The following STAG1 variants were observed in gnomAD, a reference collection of about 807,000 sequenced individuals.
The protein encoded by STAG1 is STAG1 cohesin complex component.
In STAG1, 26 loss-of-function variants were observed where a neutral mutation model predicts 170.9. The observed-to-expected ratio is 0.15, with a 90% CI of 0.11 to 0.21. STAG1 has a LOEUF of 0.21. Ranked by LOEUF, STAG1 falls within the 10% of genes least tolerant of loss-of-function variation. The pLI is 1.00. For synonymous variants in STAG1, 514 were observed against 497.7 expected (o/e 1.03, Z -0.44); for missense variants, 964 against 1,509.5 (o/e 0.64, Z 5.99).
intron 16 of STAG1, among the ~76,000 whole-genome samples, chr3:136,424,950 C>A (rs1249786240): frequency 3.3e-5 from 5 of 152,190 alleles, no homozygotes; most frequent in Admixed American, 3.3e-4. Flanking sequence ...AGAGATTCTC[C>A]TGCCTCAGCC....
chr3:136,637,809 G>C (rs903571432), intron 1 of STAG1, among the ~76,000 whole-genome samples: 2 of 152,030 alleles, frequency 1.3e-5, no homozygotes, highest in African/African-American at 4.8e-5. Context: ...ATAAAGGAAT[G>C]TAAGTTTCAT....
chr3:136,380,522 G>T (rs755807199), intron 22 of STAG1, among the ~76,000 whole-genome samples: 2 of 152,048 alleles, frequency 1.3e-5, no homozygotes, highest in Non-Finnish European at 2.9e-5. Context: ...TTACAGGCGT[G>T]AGCCACCGTG....
chr3:136,340,203 A>G (rs1360212304), intron 32 of STAG1, among the ~76,000 whole-genome samples: 1 of 152,062 alleles, frequency 6.6e-6, no homozygotes, highest in Non-Finnish European at 1.5e-5. Context: ...TGTCCAGGCT[A>G]GATTGCAATG....
In STAG1 at chr3:136,357,980, TAAAC is replaced by T. The variant is rs1051064988; in HGVS notation, c.2937-136_2937-133del. 4.7e-5 allele frequency: 33 copies of T among 699,832 alleles called. No homozygotes were observed. In the African/African-American group the frequency reaches 5.5e-4, roughly 12 times the overall value. The allele number at this position is 699,832 out of a possible 1,614,324, so 43.4% of individuals were successfully genotyped here. A position where few individuals can be genotyped will look rare whatever the true frequency, so the allele number is the denominator to read the frequency against. On this transcript the variant is annotated intron_variant, in intron 27 of 33. Transcript: ENST00000383202. ...AGTAAAATCTGATAAATTCAAATAA[TAAAC>T]TAATGTGAATATATAGGACATATTT... is the stretch of plus-strand genomic sequence containing the variant.
At chr3:136,720,856 C>T (rs1233086180) in intron 1 of STAG1, among the ~76,000 whole-genome samples, 3 of 152,026 alleles carry the variant, frequency 2.0e-5, no homozygotes, top group African/African-American at 7.2e-5. Flanking sequence ...AAAAGAACTA[C>T]CACTTATATT....
intron 25 of STAG1, 22 bp from the exon 26 acceptor site, chr3:136,363,489 C>A (rs1936953095): frequency 4.6e-6 from 5 of 1,097,102 alleles, no homozygotes; most frequent in Middle Eastern, 2.1e-4. Context: ...AGAAAGAAAA[C>A]ATGGCTTTAA....
At chr3:136,491,626 T>C (rs529240255) in intron 9 of STAG1, among the ~76,000 whole-genome samples, 5 of 152,322 alleles carry the variant, frequency 3.3e-5, no homozygotes, top group African/African-American at 9.6e-5. Flanking sequence ...AAGGATTCAG[T>C]TAGAAAACAC....
intron 8 of STAG1, among the ~76,000 whole-genome samples, chr3:136,500,786 C>T (rs1933420812): frequency 6.6e-6 from 1 of 152,154 alleles, no homozygotes; most frequent in Non-Finnish European, 1.5e-5. Flanking sequence ...AGAGGTATAA[C>T]AGAAGATAAA....
chr3:136,581,688 T>C (rs1054838207), intron 4 of STAG1, among the ~76,000 whole-genome samples: 4 of 152,136 alleles, frequency 2.6e-5, no homozygotes, highest in African/African-American at 9.7e-5. Flanking sequence ...TGAAAAATTA[T>C]ATGGGCATCA....
chr3:136,436,112 C>T (rs1434679014), intron 15 of STAG1, among the ~76,000 whole-genome samples: 1 of 152,016 alleles, frequency 6.6e-6, no homozygotes, highest in East Asian at 1.9e-4. Context: ...TGTGCCACCA[C>T]ACCCGGCTAA....
At chr3:136,417,424 C>T (rs185673035) in intron 21 of STAG1, 1 of 152,756 alleles carries the variant, frequency 6.5e-6, no homozygotes, top group Admixed American at 6.5e-5. Context: ...GAATTTCTGC[C>T]CCTTCTACTC....
intron 23 of STAG1, among the ~76,000 whole-genome samples, chr3:136,370,324 C>T (rs1009322537): frequency 5.3e-5 from 8 of 151,764 alleles, no homozygotes; most frequent in Admixed American, 3.3e-4. Flanking sequence ...ACTTTGTAGG[C>T]CTAGGCTAAT....
chr3:136,481,115 T>C (rs1233481945), intron 9 of STAG1, among the ~76,000 whole-genome samples: 4 of 27,456 alleles, frequency 1.5e-4, no homozygotes, highest in Non-Finnish European at 1.4e-4. Context: ...TCCAACACTA[T>C]GTTGAATAGG....
intron 5 of STAG1, among the ~76,000 whole-genome samples, chr3:136,542,834 A>C (rs1382487734): frequency 6.6e-6 from 1 of 152,150 alleles, no homozygotes; most frequent in African/African-American, 2.4e-5. Flanking sequence ...CAGCCTTATG[A>C]AGAATGTACT....
chr3:136,338,520 A>T, intron 32 of STAG1, 70 bp from the exon 33 acceptor site: 1 of 1,136,772 alleles, frequency 8.8e-7, no homozygotes. Context: ...ATAATCAGCT[A>T]ATATTTCTGA....
intron 4 of STAG1, among the ~76,000 whole-genome samples, chr3:136,575,771 A>C (rs1164634174): frequency 6.6e-6 from 1 of 151,284 alleles, no homozygotes; most frequent in African/African-American, 2.4e-5. Flanking sequence ...TTTCATGGGA[A>C]ATTTTTGTAA....
chr3:136,391,698 G>A (rs2087015756), intron 22 of STAG1, among the ~76,000 whole-genome samples: 1 of 152,136 alleles, frequency 6.6e-6, no homozygotes, highest in Non-Finnish European at 1.5e-5. Flanking sequence ...ACTCTTATTT[G>A]CCTGGCTCTT....
chr3:136,661,742 T>C (rs946003465), intron 1 of STAG1, among the ~76,000 whole-genome samples: 2 of 152,154 alleles, frequency 1.3e-5, no homozygotes, highest in African/African-American at 4.8e-5. Context: ...GAATTCAAAA[T>C]CCAAGCACAA....
At chr3:136,528,783 A>G (rs1030524094) in intron 6 of STAG1, among the ~76,000 whole-genome samples, 2 of 151,916 alleles carry the variant, frequency 1.3e-5, no homozygotes, top group Non-Finnish European at 2.9e-5. Flanking sequence ...ACAAAATATT[A>G]GTCAGGCATG....
Sources: allele counts gnomAD v4.1 joint callset (sites outside exome capture counted in the v4.1 genomes callset), GRCh38; gene constraint gnomAD v4.1.1; transcripts MANE v1.5; gene names NCBI Gene and HGNC (gene_info 2026-07-23, HGNC 2026-07-21).